Variants in IL12B observed in about 807,000 individuals in gnomAD.
IL12B encodes the protein interleukin-12 subunit beta.
In IL12B, 27 loss-of-function variants were observed where a neutral mutation model predicts 39.2. The ratio of observed to expected loss-of-function variants is 0.69; its 90% CI spans 0.51 to 0.95. IL12B has a LOEUF of 0.95. IL12B is among the 40% of genes least tolerant of loss of function. The pLI, the probability that IL12B is intolerant of heterozygous loss-of-function variation, is 0.00. For synonymous variants in IL12B, 142 were observed against 152.1 expected (o/e 0.93, Z 0.49); for missense variants, 351 against 397.6 (o/e 0.88, Z 1.00).
chr5:159,317,904 G>T (rs1203612034), intron 6 of IL12B: 1 of 152,316 alleles, frequency 6.6e-6, no homozygotes, highest in African/African-American at 2.4e-5. Flanking sequence ...GAGTGGTTAG[G>T]TGCATGGCCT....
At chr5:159,327,831 C>T (rs991608952) in intron 1 of IL12B, among the ~76,000 whole-genome samples, 4 of 152,196 alleles carry the variant, frequency 2.6e-5, no homozygotes, top group Admixed American at 6.5e-5. Context: ...AAGCCACCAT[C>T]TGATATAGAA....
chr5:159,325,397 TGAGAA>T, intron 2 of IL12B: 1 of 152,324 alleles, frequency 6.6e-6, no homozygotes, highest in Non-Finnish European at 1.5e-5. Context: ...CTAAAATTCT[TGAGAA>T]GAGAGGAGTG....
chr5:159,320,603 C>A, intron 4 of IL12B, 83 bp from the exon 5 acceptor site: 2 of 1,151,056 alleles, frequency 1.7e-6, no homozygotes, highest in Non-Finnish European at 2.6e-6. Flanking sequence ...GCAGGTAAGG[C>A]CTCAACTGTT....
At chr5:159,325,504 C>T (rs1754169800) in intron 2 of IL12B, 1 of 152,164 alleles carries the variant, frequency 6.6e-6, no homozygotes, top group Non-Finnish European at 1.5e-5. Flanking sequence ...TATTTTCATC[C>T]TTAATTTATG....
At chr5:159,318,982 C>G (rs1169497293) in intron 5 of IL12B, 89 bp from the exon 6 acceptor site, 23 of 1,093,166 alleles carry the variant, frequency 2.1e-5, no homozygotes, top group Non-Finnish European at 2.2e-5. Context: ...CACCTTTGAT[C>G]AGCTGTGAGT....
chr5:159,321,013 T>C (rs1754079299), intron 4 of IL12B, among the ~76,000 whole-genome samples: 2 of 151,594 alleles, frequency 1.3e-5, no homozygotes, highest in African/African-American at 4.8e-5. Flanking sequence ...TCTTTTTTTT[T>C]TTAAGAGACA....
Position 159,316,822 on chromosome 5 carries a change from A to T in IL12B, c.856-6T>A. The stretch of plus-strand genomic sequence containing the variant: ...TCCGTGAAGACTCTATCTTTCTGCA[A>T]AAGAGAAGGAAAGCTGTGAAGACCC... On this transcript the variant is annotated splice_region_variant and splice_polypyrimidine_tract_variant and intron_variant, in intron 6 of 7. Transcript: ENST00000231228. 6.2e-7 allele frequency: 1 copy of T among 1,613,916 alleles called. No individual in the cohort carries two copies. The highest frequency in any genetic ancestry group is 1.1e-5 in the South Asian group (1 of 91,090).
intron 5 of IL12B, 81 bp from the exon 6 acceptor site, chr5:159,318,974 C>A: frequency 8.3e-7 from 1 of 1,203,234 alleles, no homozygotes; most frequent in Non-Finnish European, 1.2e-6. Context: ...CTCACTTGCA[C>A]CTTTGATCAG....
chr5:159,323,235 G>A lies in IL12B; in HGVS notation c.183C>T (p.Thr61=). Residue 61 remains threonine (T), a synonymous_variant, in exon 3 of 8, where the codon ACC becomes ACT. Transcript: ENST00000231228. The part of the protein sequence containing the change: ...DTPEEDGITW[T]LDQSSEVLGS... ...CTAAGACCTCACTGCTCTGGTCCAA[G>A]GTCCAGGTGATACCATCTTCTTCAG... The A allele has an allele frequency of 6.2e-7, 1 of 1,614,110 alleles. No individual in the cohort carries two copies. Among genetic ancestry groups the A allele is most frequent in the East Asian group, 2.2e-5 (1 of 44,876 alleles).
chr5:159,321,938 G>A (rs1217421623), intron 4 of IL12B, among the ~76,000 whole-genome samples: 2 of 152,164 alleles, frequency 1.3e-5, no homozygotes, highest in African/African-American at 2.4e-5. Context: ...AGGAGTTGAG[G>A]TGGCCCTGGG....
chr5:159,321,132 G>A (rs1434592773), intron 4 of IL12B, among the ~76,000 whole-genome samples: 2 of 151,574 alleles, frequency 1.3e-5, no homozygotes, highest in Admixed American at 6.6e-5. Flanking sequence ...CCAAGTAGCT[G>A]GGACTACAGG....
Position 159,316,711 on chromosome 5 carries a change from C to A in IL12B, c.961G>T (p.Glu321Ter). ...QDRYYSSSWS[E>*]WASVPCS Reference sequence around the variant, plus strand: ...TAACTGCAGGGCACAGATGCCCATTCGCTCCAAGATGAGCTATAGTAGCGG... The same window carrying A: ...TAACTGCAGGGCACAGATGCCCATTAGCTCCAAGATGAGCTATAGTAGCGG... Residue 321 changes from glutamate (E) to a stop codon, truncating the protein, a stop_gained, in exon 7 of 8, where the codon GAA becomes TAA. Transcript: ENST00000231228. LOFTEE classifies it high-confidence loss of function. 6.2e-7 allele frequency: 1 copy of A among 1,613,662 alleles called. No individual in the cohort carries two copies. The highest frequency in any genetic ancestry group is 8.5e-7 in the Non-Finnish European group (1 of 1,179,880).
At chr5:159,319,574 C>T (rs1168516672) in intron 5 of IL12B, among the ~76,000 whole-genome samples, 1 of 152,206 alleles carries the variant, frequency 6.6e-6, no homozygotes, top group Non-Finnish European at 1.5e-5. Flanking sequence ...TGGCACTGCT[C>T]CACACAAAGA....
rs747325026 is a variant in IL12B at position 159,322,524 on chromosome 5, A to G, written c.365-13T>C. 1.3e-6 allele frequency: 2 copies of G among 1,551,422 alleles called. No individual in the cohort carries two copies. The highest frequency in any genetic ancestry group is 1.4e-5 in the African/African-American group (1 of 73,848). On this transcript the variant is annotated splice_polypyrimidine_tract_variant and intron_variant, in intron 3 of 7. Transcript: ENST00000231228. The stretch of plus-strand genomic sequence containing the variant: ...TTATTTTTGGGTTCTGGATTTGAAA[A>G]AAACAAAAATTCAATATTTAGGAGT...
intron 1 of IL12B, 83 bp downstream of exon 1, chr5:159,330,349 G>T (rs1425459463): frequency 6.6e-6 from 1 of 152,148 alleles, no homozygotes; most frequent in African/African-American, 2.4e-5. Flanking sequence ...CAGCTGCTGG[G>T]GTAGCACACT....
intron 6 of IL12B, among the ~76,000 whole-genome samples, chr5:159,317,251 G>A (rs1754004202): frequency 6.6e-6 from 1 of 152,196 alleles, no homozygotes; most frequent in Non-Finnish European, 1.5e-5. Context: ...TCAGGAAAAT[G>A]TCTTAGGTTC....
At chr5:159,316,625 TC>T in intron 7 of IL12B, 59 bp downstream of exon 7, 2 of 1,563,280 alleles carry the variant, frequency 1.3e-6, no homozygotes, top group Middle Eastern at 2.2e-4. Context: ...CCCAATCATA[TC>T]CCTGCATCCA....
chr5:159,316,849 T>C (rs1407202192), intron 6 of IL12B, 33 bp from the exon 7 acceptor site: 3 of 1,613,086 alleles, frequency 1.9e-6, no homozygotes, highest in Non-Finnish European at 1.7e-6. Flanking sequence ...TGAAGACCCC[T>C]TGGCAACATA....
rs540593195 is a variant in IL12B at position 159,321,338 on chromosome 5, A to G, written c.483-818T>C. 3.4e-5 allele frequency among the ~76,000 whole-genome samples: 5 copies of G among 145,202 alleles called. No individual in the cohort carries two copies. The South Asian group carries it at 6.8e-4, about 20-fold the overall frequency. ...TTCAATGAATATTCAAGATAATTGT[A>G]TACACATTTTATATATATATATATA... On this transcript the variant is annotated intron_variant, in intron 4 of 7. Coordinates refer to ENST00000231228, the MANE Select transcript of IL12B (RefSeq NM_002187.3).
Sources: allele counts gnomAD v4.1 joint callset (sites outside exome capture counted in the v4.1 genomes callset), GRCh38; gene constraint gnomAD v4.1.1; transcripts MANE v1.5; gene names NCBI Gene and HGNC (gene_info 2026-07-23, HGNC 2026-07-21).